The following NAE1 variants were observed in gnomAD, a reference collection of about 807,000 sequenced individuals.
NAE1 encodes the protein NEDD8-activating enzyme E1 regulatory subunit.
In NAE1, 59 loss-of-function variants were observed where a neutral mutation model predicts 88.0. The ratio of observed to expected loss-of-function variants is 0.67; its 90% CI spans 0.54 to 0.83. The LOEUF (loss-of-function observed/expected upper bound fraction) is 0.83, where lower values mean the gene tolerates loss of function less well. Ranked by LOEUF, NAE1 falls within the 40% of genes least tolerant of loss-of-function variation. The pLI is 0.00. For synonymous variants in NAE1, 186 were observed against 208.9 expected (o/e 0.89, Z 0.95); for missense variants, 554 against 632.8 (o/e 0.88, Z 1.34).
intron 14 of NAE1, 79 bp from the exon 15 acceptor site, chr16:66,810,492 G>GT (rs1386318640): frequency 7.6e-7 from 1 of 1,320,404 alleles, no homozygotes; most frequent in East Asian, 2.3e-5. Context: ...GCCAATCACT[G>GT]TGAGATGGGA....
Position 66,803,133 on chromosome 16 carries a change from G to A in NAE1, c.1496-15C>T, listed in dbSNP as rs752124901. On this transcript the variant is annotated splice_polypyrimidine_tract_variant and intron_variant, in intron 19 of 19. Coordinates refer to ENST00000290810, the MANE Select transcript of NAE1 (RefSeq NM_003905.4). ...AGCAGCAGCTCCTGAAAGGAAAAAG[G>A]AGAAAAGCAAATCTTTGAAAGAGTA... 6.6e-7 allele frequency: 1 copy of A among 1,511,962 alleles called. No homozygotes were observed. Among genetic ancestry groups the A allele is most frequent in the Non-Finnish European group, 9.2e-7 (1 of 1,090,326 alleles). 93.7% of individuals were successfully genotyped at this position (1,511,962 alleles called of 1,614,324 possible). A position where few individuals can be genotyped will look rare whatever the true frequency, so the allele number is the denominator to read the frequency against.
At chr16:66,812,604 G>A (rs774730606) in intron 13 of NAE1, among the ~76,000 whole-genome samples, 26 of 140,440 alleles carry the variant, frequency 1.9e-4, no homozygotes, top group Non-Finnish European at 3.1e-4. Context: ...TGCAACCTCC[G>A]TCTCCTGGGT....
At chr16:66,823,661 C>T in intron 4 of NAE1, 61 bp from the exon 5 acceptor site, 1 of 1,333,208 alleles carries the variant, frequency 7.5e-7, no homozygotes, top group African/African-American at 1.5e-5. Context: ...TATAATCCCC[C>T]AATTTATGGA....
At chr16:66,825,515 A>G (rs1010088365) in intron 3 of NAE1, among the ~76,000 whole-genome samples, 3 of 152,092 alleles carry the variant, frequency 2.0e-5, no homozygotes, top group African/African-American at 4.8e-5. Context: ...CATAATACAC[A>G]TAATACATGT....
At chr16:66,825,297 A>C (rs554611612) in intron 3 of NAE1, among the ~76,000 whole-genome samples, 1 of 151,974 alleles carries the variant, frequency 6.6e-6, no homozygotes, top group Admixed American at 6.5e-5. Flanking sequence ...AATACAAAAA[A>C]TTAGCCGGGC....
At chr16:66,821,642 C>G (rs886489893) in intron 6 of NAE1, 83 bp from the exon 7 acceptor site, 2 of 1,135,988 alleles carry the variant, frequency 1.8e-6, no homozygotes, top group African/African-American at 3.2e-5. Context: ...ATGAAAATGT[C>G]TTACAGCAAC....
At chr16:66,808,736 A>T (rs760698544) in intron 16 of NAE1, 123 bp from the exon 17 acceptor site, 27 of 762,518 alleles carry the variant, frequency 3.5e-5, no homozygotes, top group Middle Eastern at 7.0e-4. Context: ...ATCTCTACTG[A>T]AGTAGTAACA....
At chr16:66,826,495 G>T in intron 3 of NAE1, 28 bp downstream of exon 3, 3 of 1,610,646 alleles carry the variant, frequency 1.9e-6, no homozygotes, top group Non-Finnish European at 2.5e-6. Flanking sequence ...TCCTTAACGT[G>T]AATATATTTG....
chr16:66,826,223 C>T lies in NAE1; in HGVS notation c.218+300G>A, dbSNP rs72794214. 1,598 of 349,508 alleles carry T rather than the reference C, an allele frequency of 4.6e-3. 11 individuals are homozygous for T. Among genetic ancestry groups the T allele is most frequent in the Middle Eastern group, 0.011 (13 of 1,148 alleles). 21.7% of individuals were successfully genotyped at this position (349,508 alleles called of 1,614,324 possible). A position where few individuals can be genotyped will look rare whatever the true frequency, so the allele number is the denominator to read the frequency against. The stretch of plus-strand genomic sequence containing the variant: ...AACAGGCATTATTGTTAATTATATG[C>T]TAACACCTACGGATCAATACAAGAG... On this transcript the variant is annotated intron_variant, in intron 3 of 19. Transcript: ENST00000290810.
At chr16:66,829,642 G>C (rs752935427) in intron 1 of NAE1, among the ~76,000 whole-genome samples, 107 of 152,286 alleles carry the variant, frequency 7.0e-4, no homozygotes, top group Non-Finnish European at 1.4e-3. Flanking sequence ...CTCCAGGAAG[G>C]AGGAAAGCTG....
chr16:66,805,054 T>G (rs1959509079), intron 19 of NAE1, among the ~76,000 whole-genome samples: 2 of 152,176 alleles, frequency 1.3e-5, no homozygotes, highest in East Asian at 1.9e-4. Context: ...AGACATGTCA[T>G]TTTTGAGTTG....
At chr16:66,822,947 C>T (rs1217311999) in intron 6 of NAE1, among the ~76,000 whole-genome samples, 2 of 148,854 alleles carry the variant, frequency 1.3e-5, no homozygotes, top group African/African-American at 4.9e-5. Context: ...GGATTACAGG[C>T]ATGAGCCACC....
intron 7 of NAE1, among the ~76,000 whole-genome samples, chr16:66,820,823 C>G (rs540072216): frequency 3.4e-4 from 51 of 151,728 alleles, no homozygotes; most frequent in African/African-American, 1.1e-3. Flanking sequence ...ATGGCGTGAA[C>G]CCGGGAGGTG....
intron 1 of NAE1, among the ~76,000 whole-genome samples, chr16:66,829,554 C>T (rs533661685): frequency 6.6e-6 from 1 of 152,316 alleles, no homozygotes; most frequent in African/African-American, 2.4e-5. Flanking sequence ...TGCCTAAAGC[C>T]TCTACTACAG....
intron 11 of NAE1, among the ~76,000 whole-genome samples, chr16:66,816,232 C>A (rs1023119463): frequency 6.6e-6 from 1 of 152,156 alleles, no homozygotes; most frequent in Non-Finnish European, 1.5e-5. Flanking sequence ...GTGGTGTAAT[C>A]TTGGCTCACT....
At chr16:66,830,346 T>C (rs1480730476) in intron 1 of NAE1, among the ~76,000 whole-genome samples, 1 of 152,254 alleles carries the variant, frequency 6.6e-6, no homozygotes, top group African/African-American at 2.4e-5. Flanking sequence ...GTTTTGGACA[T>C]ATTGGGTTAA....
intron 7 of NAE1, among the ~76,000 whole-genome samples, chr16:66,818,880 T>A (rs1960152388): frequency 6.6e-6 from 1 of 152,058 alleles, no homozygotes; most frequent in South Asian, 2.1e-4. Context: ...CCCAGGCTAG[T>A]CTCAAACTCC....
chr16:66,805,391 G>A (rs7185235), intron 19 of NAE1, among the ~76,000 whole-genome samples: 75,438 of 151,846 alleles, frequency 0.5, 19,425 homozygotes, highest in East Asian at 0.63. Flanking sequence ...GATGGCAGTG[G>A]GAGAGATGGA....
At chr16:66,808,734 T>G in intron 16 of NAE1, 121 bp from the exon 17 acceptor site, 1 of 776,964 alleles carries the variant, frequency 1.3e-6, no homozygotes, top group Non-Finnish European at 2.2e-6. Context: ...CAATCTCTAC[T>G]GAAGTAGTAA....
Sources: gnomAD v4.1 joint callset for allele counts (sites outside exome capture counted in the v4.1 genomes callset) on GRCh38, gnomAD v4.1.1 for gene constraint, MANE v1.5 for transcripts, NCBI Gene and HGNC (gene_info 2026-07-23, HGNC 2026-07-21) for gene names.